Variants in MIA2 observed in about 807,000 individuals in gnomAD.
MIA2 encodes MIA SH3 domain ER export factor 2, also known as melanoma inhibitory activity protein 2.
In MIA2, 127 loss-of-function variants were observed where a neutral mutation model predicts 167.8. That is an observed-to-expected ratio of 0.76 (90% CI 0.66 to 0.88). The LOEUF is 0.88. MIA2 is among the 40% of genes least tolerant of loss of function. The pLI, the probability that MIA2 is intolerant of heterozygous loss-of-function variation, is 0.00. For missense variants in MIA2, 1,690 were observed against 1,624.7 expected, an observed-to-expected ratio of 1.04 and a Z score of -0.69; for synonymous variants, 552 against 541.9, an observed-to-expected ratio of 1.02 and a Z score of -0.26.
rs2075265359 is a variant in MIA2, at chr14:39,385,872, C to G, written c.2249-1013C>G. The G allele has an allele frequency of 6.2e-6, 6 of 963,008 alleles. No individual in the cohort carries two copies. In the Admixed American group the frequency reaches 1.0e-4, roughly 16 times the overall value. 59.7% of individuals were successfully genotyped at this position (963,008 alleles called of 1,614,324 possible). On this transcript the variant is annotated intron_variant, in intron 23 of 23. Coordinates refer to the MIA2 transcript ENST00000341502. The stretch of plus-strand genomic sequence containing the variant: ...GACCTCTCCCCCGCATGCCCCGTCC[C>G]CTAGCTCCCTTTCAAGAAAAAAGGT...
rs142329284 is a variant in MIA2, at chr14:39,380,345, G to T, written c.2249-6540G>T. ...AAAGGAACAACTCAGATGAAAACCA[G>T]ATAGTGAAATTGACATCTCAAAATA... is the stretch of plus-strand genomic sequence containing the variant. On this transcript the variant is annotated intron_variant, in intron 23 of 23. Coordinates refer to the MIA2 transcript ENST00000341502. 9.0e-4 allele frequency among the ~76,000 whole-genome samples: 137 copies of T among 152,276 alleles called. 3 individuals are homozygous for T. The South Asian group carries it at 0.01, about 11-fold the overall frequency.
intron 7 of MIA2, among the ~76,000 whole-genome samples, chr14:39,278,026 C>T (rs375672104): frequency 2.0e-5 from 3 of 151,458 alleles, no homozygotes; most frequent in Non-Finnish European, 2.9e-5. Context: ...CGGGCTGGAG[C>T]GCAGTGGCAT....
chr14:39,353,159 C>T (rs542911890), downstream of MIA2, among the ~76,000 whole-genome samples: 12 of 152,260 alleles, frequency 7.9e-5, no homozygotes, highest in African/African-American at 2.6e-4. Flanking sequence ...GGGGTATCCA[C>T]CATCTTGAGT....
chr14:39,272,543 C>T (rs936281571), intron 6 of MIA2, among the ~76,000 whole-genome samples: 1 of 152,134 alleles, frequency 6.6e-6, no homozygotes, highest in Non-Finnish European at 1.5e-5. Flanking sequence ...ACTAGGGACC[C>T]GCCCCTATCT....
chr14:39,263,804 T>C (rs1284629659), intron 6 of MIA2, among the ~76,000 whole-genome samples: 1 of 152,068 alleles, frequency 6.6e-6, no homozygotes, highest in Non-Finnish European at 1.5e-5. Flanking sequence ...GCTAATTTTT[T>C]GTATTTTTTA....
At chr14:39,304,406 T>A in intron 17 of MIA2, 25 bp downstream of exon 17, 1 of 1,290,004 alleles carries the variant, frequency 7.8e-7, no homozygotes, top group Non-Finnish European at 1.1e-6. Context: ...TACATACTTT[T>A]AATGTTTTTC....
chr14:39,344,434 C>T (rs2072744906), intron 25 of MIA2, among the ~76,000 whole-genome samples: 2 of 152,190 alleles, frequency 1.3e-5, no homozygotes, highest in South Asian at 2.1e-4. Flanking sequence ...CCCTTTGAAA[C>T]AGCTCCTCCC....
In MIA2 at chr14:39,265,289, G is replaced by T. The variant is rs2055416166; in HGVS notation, c.1888-11645G>T. On this transcript the variant is annotated intron_variant, in intron 6 of 28. Transcript: ENST00000640607. ...AAAACGGGATCACAGTGTGGAAACA[G>T]AAGAGTGCAGGATATATTAGAATCT... 4.5e-6 allele frequency: 4 copies of T among 884,016 alleles called. No individual in the cohort carries two copies. In the East Asian group the frequency reaches 1.0e-4, roughly 23 times the overall value. The allele number at this position is 884,016 out of a possible 1,614,324, so 54.8% of individuals were successfully genotyped here.
chr14:39,334,428 T>C (rs141297057), intron 25 of MIA2, among the ~76,000 whole-genome samples: 2,653 of 150,520 alleles, frequency 0.018, 54 homozygotes, highest in African/African-American at 0.053. Context: ...TGAGCCGAGA[T>C]TGCGCCACTG....
intron 24 of MIA2, among the ~76,000 whole-genome samples, chr14:39,325,162 G>T (rs1424287878): frequency 6.6e-6 from 1 of 151,874 alleles, no homozygotes; most frequent in African/African-American, 2.4e-5. Flanking sequence ...GGCGGAGGTT[G>T]CAGTGAGCTG....
chr14:39,335,607 T>G (rs543094881), intron 25 of MIA2, among the ~76,000 whole-genome samples: 4 of 152,318 alleles, frequency 2.6e-5, no homozygotes, highest in Admixed American at 2.0e-4. Flanking sequence ...AATATTTTAA[T>G]AATGTTATCT....
intron 23 of MIA2, among the ~76,000 whole-genome samples, chr14:39,359,700 CT>C (rs1396143105): frequency 2.0e-5 from 3 of 152,166 alleles, no homozygotes; most frequent in African/African-American, 7.2e-5. Context: ...CCCCAGCCCC[CT>C]ATACCACATT....
chr14:39,353,103 G>T (rs1567043394), downstream of MIA2, among the ~76,000 whole-genome samples: 1 of 152,060 alleles, frequency 6.6e-6, no homozygotes, highest in Non-Finnish European at 1.5e-5. Context: ...AGGTACATGT[G>T]AGTGTTACTT....
At position 39,343,705 on chromosome 14, in the gene MIA2, C is replaced by G. The variant is rs561619173; in HGVS notation, c.3656-2199C>G. On this transcript the variant is annotated intron_variant, in intron 25 of 28. Transcript: ENST00000640607. The stretch of plus-strand genomic sequence containing the variant: ...GTTTGAAAGCAAAAAAGAAAGGGAC[C>G]TTTCATGTCCTTACTTTCTGTAGTT... Among the ~76,000 whole-genome samples the G allele has an allele frequency of 3.3e-5, 5 of 152,164 alleles. No homozygotes were observed. The East Asian group carries it at 9.6e-4, about 29-fold the overall frequency.
rs916237578 is a variant in MIA2, at chr14:39,350,220, A to G, written c.4195A>G (p.Asn1399Asp). ...CCCCTCAGGTTTGATTCCACCTTCA[A>G]ATGAGCCTGCTACTGAACATCCAGA... ...EFPSGLIPPS[N>D]EPATEHPEPQ... Residue 1399 changes from asparagine to aspartate, a missense_variant, in exon 29 of 29, where the codon AAT (asparagine) becomes GAT (aspartate). Transcript: ENST00000640607. 6.6e-7 allele frequency: 1 copy of G among 1,525,788 alleles called. No homozygotes were observed. 94.5% of individuals were successfully genotyped at this position (1,525,788 alleles called of 1,614,324 possible). A position where few individuals can be genotyped will look rare whatever the true frequency, so the allele number is the denominator to read the frequency against.
At chr14:39,297,512 C>A (rs2061588371) in intron 13 of MIA2, among the ~76,000 whole-genome samples, 1 of 152,142 alleles carries the variant, frequency 6.6e-6, no homozygotes, top group South Asian at 2.1e-4. Flanking sequence ...AACAGTCTTG[C>A]AACTTAGGTA....
intron 11 of MIA2, among the ~76,000 whole-genome samples, chr14:39,293,778 A>G (rs557187512): frequency 6.6e-6 from 1 of 152,222 alleles, no homozygotes; most frequent in Non-Finnish European, 1.5e-5. Flanking sequence ...TCTTGAGCCT[A>G]TATAACTTAA....
intron 6 of MIA2, chr14:39,265,159 G>GTATA (rs3834509): frequency 1.0e-3 from 382 of 380,044 alleles, no homozygotes; most frequent in African/African-American, 4.9e-3. Flanking sequence ...ATGTGTGTGA[G>GTATA]TATATATATA....
chr14:39,238,710 G>T (rs1249645022), intron 2 of MIA2, among the ~76,000 whole-genome samples: 1 of 145,978 alleles, frequency 6.9e-6, no homozygotes, highest in Non-Finnish European at 1.5e-5. Flanking sequence ...TGGGAGGATC[G>T]CTTGAGCCCA....
Sources: allele counts gnomAD v4.1 joint callset (sites outside exome capture counted in the v4.1 genomes callset), GRCh38; gene constraint gnomAD v4.1.1; transcripts MANE v1.5; gene names NCBI Gene and HGNC (gene_info 2026-07-23, HGNC 2026-07-21).